The following MAGI1 variants were observed in gnomAD, a reference collection of about 807,000 sequenced individuals.
The protein encoded by MAGI1 is membrane associated guanylate kinase, WW and PDZ domain containing 1.
In MAGI1, 58 loss-of-function variants were observed where a neutral mutation model predicts 139.9. The ratio of observed to expected loss-of-function variants is 0.41; its 90% CI spans 0.34 to 0.52. The LOEUF (loss-of-function observed/expected upper bound fraction) is 0.52. Ranked by LOEUF, MAGI1 falls within the 20% of genes least tolerant of loss-of-function variation. The pLI is 0.12. For synonymous variants in MAGI1, 812 were observed against 737.9 expected (o/e 1.10, Z -1.63); for missense variants, 1,874 against 1,901.6 (o/e 0.99, Z 0.27).
chr3:65,592,273 A>G (rs923522172), intron 2 of MAGI1, among the ~76,000 whole-genome samples: 1 of 152,358 alleles, frequency 6.6e-6, no homozygotes, highest in South Asian at 2.1e-4. Context: ...GTAGGCATGC[A>G]TCTACTGACA....
chr3:65,440,036 T>G (rs1169171599), intron 8 of MAGI1, 24 bp from the exon 9 acceptor site: 2 of 1,613,656 alleles, frequency 1.2e-6, no homozygotes, highest in East Asian at 2.2e-5. Flanking sequence ...CAAATAGTAT[T>G]CAGCTTGAAA....
chr3:65,795,696 T>TACACACACACACATACAC (rs1553708463), intron 1 of MAGI1, among the ~76,000 whole-genome samples: 13 of 138,930 alleles, frequency 9.4e-5, no homozygotes, highest in Non-Finnish European at 1.7e-4. Context: ...GATGATAAGA[T>TACACACACACACATACAC]ACACACACAC....
intron 1 of MAGI1, among the ~76,000 whole-genome samples, chr3:65,710,414 G>A (rs1576833577): frequency 6.6e-6 from 1 of 151,378 alleles, no homozygotes; most frequent in African/African-American, 2.4e-5. Flanking sequence ...CTGAGTAGCT[G>A]GGATTACAGG....
At chr3:65,976,976 T>C (rs191830480) in intron 1 of MAGI1, among the ~76,000 whole-genome samples, 179 of 152,298 alleles carry the variant, frequency 1.2e-3, no homozygotes, top group Middle Eastern at 6.8e-3. Context: ...AAGCAGAAAT[T>C]GTGCACATAT....
chr3:65,903,365 G>A (rs1575948785), intron 1 of MAGI1, among the ~76,000 whole-genome samples: 1 of 152,080 alleles, frequency 6.6e-6, no homozygotes, highest in Admixed American at 6.5e-5. Flanking sequence ...CCTGGATGCC[G>A]TTTCTAACTC....
intron 1 of MAGI1, among the ~76,000 whole-genome samples, chr3:65,988,121 T>G (rs918745950): frequency 1.3e-5 from 2 of 152,166 alleles, no homozygotes; most frequent in Non-Finnish European, 2.9e-5. Flanking sequence ...TATTTGGGGC[T>G]CAAGACATTC....
chr3:65,612,919 G>C (rs559629022), intron 2 of MAGI1, among the ~76,000 whole-genome samples: 41 of 152,214 alleles, frequency 2.7e-4, no homozygotes, highest in Middle Eastern at 3.4e-3. Context: ...GATGGAAAAT[G>C]TCAGCTAAAA....
chr3:65,871,757 G>C (rs2059946810), intron 1 of MAGI1, among the ~76,000 whole-genome samples: 1 of 152,242 alleles, frequency 6.6e-6, no homozygotes. Context: ...TGCTGGGACA[G>C]AAACTCAAAA....
At chr3:65,453,471 T>C in intron 5 of MAGI1, 131 bp from the exon 6 acceptor site, 1 of 682,024 alleles carries the variant, frequency 1.5e-6, no homozygotes, top group Non-Finnish European at 2.5e-6. Context: ...CAACAGCAAA[T>C]CCAAACCAGA....
At chr3:65,884,405 A>G (rs1345346798) in intron 1 of MAGI1, among the ~76,000 whole-genome samples, 2 of 152,234 alleles carry the variant, frequency 1.3e-5, no homozygotes, top group Non-Finnish European at 2.9e-5. Flanking sequence ...GCTCCCATCT[A>G]GAAACACACA....
In MAGI1 at chr3:65,675,560, C is replaced by T. The variant is rs543729001; in HGVS notation, c.314-53472G>A. ...ACAAAACGGGGCAGCACAATGAATT[C>T]ACCAGTGTATTAAAAGCAGAACAAA... On this transcript the variant is annotated intron_variant, in intron 1 of 22. Coordinates refer to ENST00000402939, the MANE Select transcript of MAGI1 (RefSeq NM_001033057.2). Among the ~76,000 whole-genome samples the T allele has an allele frequency of 3.3e-5, 5 of 152,192 alleles. No homozygotes were observed. The South Asian group carries it at 1.0e-3, about 32-fold the overall frequency.
At chr3:66,005,795 G>A (rs1467971749) in intron 1 of MAGI1, among the ~76,000 whole-genome samples, 2 of 152,168 alleles carry the variant, frequency 1.3e-5, no homozygotes, top group African/African-American at 2.4e-5. Flanking sequence ...GATCTTCCAT[G>A]CATCTCCCAT....
intron 1 of MAGI1, chr3:65,719,983 T>C (rs974311143): frequency 4.6e-5 from 7 of 152,210 alleles, no homozygotes; most frequent in African/African-American, 1.4e-4. Flanking sequence ...GCTCTTACCC[T>C]GACAGGTAGC....
rs1438795811 is a variant in MAGI1, at chr3:65,945,512, C to CCTAACT, written c.313+92483_313+92484insAGTTAG. Among the ~76,000 whole-genome samples the CCTAACT allele has an allele frequency of 1.9e-3, 281 of 144,274 alleles. 1 individual carries two copies. The highest frequency in any genetic ancestry group is 6.3e-3 in the African/African-American group (261 of 41,324). 94.6% of individuals were successfully genotyped at this position (144,274 alleles called of 152,430 possible). A position where few individuals can be genotyped will look rare whatever the true frequency, so the allele number is the denominator to read the frequency against. ...TTGAGTCCTTGTGGACCAACCTTGTCTAATAGGTAGACAAGGGTGAAAAAC... is the reference window on the plus strand; with the variant it reads ...TTGAGTCCTTGTGGACCAACCTTGTCCTAACTTAATAGGTAGACAAGGGTGAAAAAC... On this transcript the variant is annotated intron_variant, in intron 1 of 22. Coordinates refer to ENST00000402939, the MANE Select transcript of MAGI1 (RefSeq NM_001033057.2).
At chr3:65,567,295 C>T (rs117095389) in intron 2 of MAGI1, among the ~76,000 whole-genome samples, 2,426 of 151,982 alleles carry the variant, frequency 0.016, 51 homozygotes, top group Admixed American at 0.045. Flanking sequence ...CATTTGAGGC[C>T]ATTCCTGCTT....
At chr3:65,589,501 C>T (rs1339206883) in intron 2 of MAGI1, among the ~76,000 whole-genome samples, 1 of 152,156 alleles carries the variant, frequency 6.6e-6, no homozygotes, top group East Asian at 1.9e-4. Flanking sequence ...GGTATCTCCC[C>T]TGTCTTCCTT....
intron 1 of MAGI1, among the ~76,000 whole-genome samples, chr3:65,919,675 C>T (rs1258172891): frequency 2.3e-5 from 2 of 87,250 alleles, no homozygotes; most frequent in Admixed American, 1.1e-4. Flanking sequence ...CTCATTCTCT[C>T]TCCTTCTCTC....
intron 1 of MAGI1, among the ~76,000 whole-genome samples, chr3:65,688,740 A>G (rs1390315237): frequency 6.6e-6 from 1 of 152,142 alleles, no homozygotes; most frequent in African/African-American, 2.4e-5. Context: ...ATACCAACAT[A>G]TTTTCCTAAT....
chr3:65,611,401 T>C (rs2083099837), intron 2 of MAGI1, among the ~76,000 whole-genome samples: 1 of 144,056 alleles, frequency 6.9e-6, no homozygotes, highest in South Asian at 2.1e-4. Flanking sequence ...GTATACTGTA[T>C]ATACATATAT....
Sources: allele counts gnomAD v4.1 joint callset (sites outside exome capture counted in the v4.1 genomes callset), GRCh38; gene constraint gnomAD v4.1.1; transcripts MANE v1.5; gene names NCBI Gene and HGNC (gene_info 2026-07-23, HGNC 2026-07-21).